The following CDC73 variants were observed in gnomAD, a reference collection of about 807,000 sequenced individuals.
CDC73 encodes cell division cycle 73.
A neutral mutation model predicts 83.7 loss-of-function variants in CDC73; 21 were observed. The ratio of observed to expected loss-of-function variants is 0.25; its 90% CI spans 0.18 to 0.36. The LOEUF is 0.36. CDC73 is among the 10% of genes least tolerant of loss of function. CDC73 has a pLI of 1.00. For synonymous variants in CDC73, 224 were observed against 212.9 expected, an observed-to-expected ratio of 1.05 and a Z score of -0.45; for missense variants, 342 against 653.3, an observed-to-expected ratio of 0.52 and a Z score of 5.19.
At position 193,152,651 on chromosome 1, in the gene CDC73, T is replaced by C. The variant is rs190909342; in HGVS notation, c.972+207T>C. On this transcript the variant is annotated intron_variant, in intron 10 of 16. Transcript: ENST00000367435. ...TTTCCTTCAAATTAAGTTGAATATATGTAAATAAAAGCTGATTTGATTAAC... is the reference window on the plus strand; with the variant it reads ...TTTCCTTCAAATTAAGTTGAATATACGTAAATAAAAGCTGATTTGATTAAC... Among the ~76,000 whole-genome samples the C allele has an allele frequency of 2.4e-3, 359 of 152,348 alleles. 1 individual carries two copies. Among genetic ancestry groups the C allele is most frequent in the Non-Finnish European group, 3.7e-3 (252 of 68,038 alleles).
intron 10 of CDC73, among the ~76,000 whole-genome samples, chr1:193,165,690 A>G (rs967486292): frequency 6.6e-6 from 1 of 152,258 alleles, no homozygotes; most frequent in Non-Finnish European, 1.5e-5. Flanking sequence ...GAAGAAAATA[A>G]TTAGTCTTTT....
chr1:193,225,417 A>G (rs2102051333), intron 13 of CDC73, among the ~76,000 whole-genome samples: 1 of 152,182 alleles, frequency 6.6e-6, no homozygotes, highest in African/African-American at 2.4e-5. Context: ...TTCTGGGTAG[A>G]TACTCAGTAG....
chr1:193,208,064 C>G (rs1253541118), intron 11 of CDC73, among the ~76,000 whole-genome samples: 1 of 152,228 alleles, frequency 6.6e-6, no homozygotes, highest in Admixed American at 6.5e-5. Context: ...CCCAAGGTCT[C>G]TTACTCTATA....
At chr1:193,203,940 C>G in intron 11 of CDC73, 88 bp downstream of exon 11, 1 of 1,064,832 alleles carries the variant, frequency 9.4e-7, no homozygotes. Context: ...TTTGAACAAA[C>G]TTAAATTTTA....
chr1:193,147,362 GTTTT>G (rs938278913), intron 7 of CDC73, among the ~76,000 whole-genome samples: 1 of 144,564 alleles, frequency 6.9e-6, no homozygotes, highest in Non-Finnish European at 1.5e-5. Context: ...ATTTGTAGCA[GTTTT>G]TTTTTTCTTT....
intron 10 of CDC73, among the ~76,000 whole-genome samples, chr1:193,168,067 G>A (rs1457111011): frequency 1.3e-5 from 2 of 151,966 alleles, no homozygotes; most frequent in African/African-American, 4.8e-5. Context: ...CACCATGTTG[G>A]CCAGGCTGGT....
At chr1:193,202,842 A>G (rs1478421661) in intron 10 of CDC73, among the ~76,000 whole-genome samples, 4 of 152,156 alleles carry the variant, frequency 2.6e-5, no homozygotes, top group East Asian at 1.9e-4. Flanking sequence ...CACGTTTACC[A>G]TCTCAAATTT....
At chr1:193,160,988 AT>A (rs1421297120) in intron 10 of CDC73, 2 of 158,242 alleles carry the variant, frequency 1.3e-5, no homozygotes, top group Non-Finnish European at 2.8e-5. Context: ...CTGCATTCAA[AT>A]TTTTTAAATT....
chr1:193,203,705 CAGAG>C (rs776686364), intron 10 of CDC73, 86 bp from the exon 11 acceptor site: 7 of 1,034,252 alleles, frequency 6.8e-6, no homozygotes, highest in Non-Finnish European at 7.5e-6. Context: ...GAACAAGAGA[CAGAG>C]AGATATGAGA....
chr1:193,246,364 CTGTCTT>C (rs199599298), intron 15 of CDC73, among the ~76,000 whole-genome samples: 1,858 of 152,116 alleles, frequency 0.012, 19 homozygotes, highest in South Asian at 0.034. Context: ...TTATTGAAGA[CTGTCTT>C]TTCCCCAGTG....
intron 1 of CDC73, among the ~76,000 whole-genome samples, chr1:193,123,976 A>G (rs1003534543): frequency 2.0e-5 from 3 of 152,250 alleles, no homozygotes; most frequent in Non-Finnish European, 4.4e-5. Context: ...ATGAATGAAC[A>G]AACAAGCTTT....
intron 10 of CDC73, chr1:193,180,169 T>C (rs968835965): frequency 6.0e-6 from 5 of 828,184 alleles, no homozygotes; most frequent in Non-Finnish European, 8.6e-6. Flanking sequence ...ATTAAAAAAA[T>C]ACTTCTTGAA....
At chr1:193,180,973 A>G in intron 10 of CDC73, 1 of 1,613,492 alleles carries the variant, frequency 6.2e-7, no homozygotes, top group Non-Finnish European at 8.5e-7. Flanking sequence ...GTAGCCATTT[A>G]GCTTAATACT....
At chr1:193,223,233 AT>A (rs5779667) in intron 13 of CDC73, among the ~76,000 whole-genome samples, 93,847 of 149,760 alleles carry the variant, frequency 0.63, 29,613 homozygotes, top group South Asian at 0.77. Flanking sequence ...TGTTCATTTT[AT>A]TTTTTTTTTA....
chr1:193,185,308 T>G (rs990273583), intron 10 of CDC73, among the ~76,000 whole-genome samples: 2 of 152,118 alleles, frequency 1.3e-5, no homozygotes, highest in Non-Finnish European at 2.9e-5. Flanking sequence ...ACTATTGATG[T>G]CCCTTTGTTT....
At chr1:193,224,466 C>T (rs536716999) in intron 13 of CDC73, among the ~76,000 whole-genome samples, 10 of 148,206 alleles carry the variant, frequency 6.7e-5, no homozygotes, top group South Asian at 4.3e-4. Context: ...TATGCACATA[C>T]GAAATTTATG....
intron 7 of CDC73, among the ~76,000 whole-genome samples, chr1:193,146,398 C>A (rs980834245): frequency 2.6e-5 from 4 of 152,018 alleles, no homozygotes; most frequent in African/African-American, 9.7e-5. Flanking sequence ...AAATTTATTT[C>A]TCATATTTCT....
At chr1:193,173,805 T>A (rs1339686015) in intron 10 of CDC73, among the ~76,000 whole-genome samples, 1 of 152,208 alleles carries the variant, frequency 6.6e-6, no homozygotes, top group Non-Finnish European at 1.5e-5. Context: ...AACACATTTA[T>A]GACATGATTT....
At chr1:193,176,432 A>G (rs1676603786) in intron 10 of CDC73, among the ~76,000 whole-genome samples, 1 of 152,192 alleles carries the variant, frequency 6.6e-6, no homozygotes, top group South Asian at 2.1e-4. Context: ...CCTTGGATCC[A>G]TTTGCCAAGG....
Sources: gnomAD v4.1 joint callset for allele counts (sites outside exome capture counted in the v4.1 genomes callset) on GRCh38, gnomAD v4.1.1 for gene constraint, MANE v1.5 for transcripts, NCBI Gene and HGNC (gene_info 2026-07-23, HGNC 2026-07-21) for gene names.